DLGAP1: variants seen among roughly 807,000 people sequenced by gnomAD.
The protein encoded by DLGAP1 is disks large-associated protein 1.
A neutral mutation model predicts 90.8 loss-of-function variants in DLGAP1; 11 were observed. That is an observed-to-expected ratio of 0.12 (90% confidence interval 0.08 to 0.20). The LOEUF (loss-of-function observed/expected upper bound fraction) is 0.20, where lower values mean the gene tolerates loss of function less well. Among genes scored for constraint, DLGAP1 ranks in the 10% least tolerant of loss-of-function variants. DLGAP1 has a pLI of 1.00. For missense variants in DLGAP1, 1,050 were observed against 1,333.8 expected, an observed-to-expected ratio of 0.79 and a Z score of 3.31; for synonymous variants, 558 against 540.7, an observed-to-expected ratio of 1.03 and a Z score of -0.44.
chr18:4,321,970 G>C (rs75625348), intron 1 of DLGAP1, among the ~76,000 whole-genome samples: 3,116 of 152,136 alleles, frequency 0.02, 66 homozygotes, highest in South Asian at 0.077. Flanking sequence ...GGCCTAGGGG[G>C]GTGGATCACA....
rs796289017 is a variant in DLGAP1, at chr18:3,772,124, CTTTT to C, written c.1173-29616_1173-29613del. Among the ~76,000 whole-genome samples, 376 of 150,956 alleles carry C rather than the reference CTTTT, an allele frequency of 2.5e-3. 2 individuals are homozygous for C. The highest frequency in any genetic ancestry group is 9.2e-3 in the East Asian group (47 of 5,132). ...TTCTTTTCTTTTCTTTCCTTTCTTT[CTTTT>C]CTTTTCTTTCTCTCCTTCCTTCCTT... is the stretch of plus-strand genomic sequence containing the variant. On this transcript the variant is annotated intron_variant, in intron 5 of 12. Coordinates refer to ENST00000315677, the MANE Select transcript of DLGAP1 (RefSeq NM_004746.4).
chr18:3,534,692 TTC>T, intron 9 of DLGAP1, 77 bp from the exon 10 acceptor site: 25 of 1,266,838 alleles, frequency 2.0e-5, no homozygotes, highest in Non-Finnish European at 2.3e-5. Context: ...CTTCCTTTCT[TTC>T]TTTTTTTTTT....
chr18:3,942,928 G>A (rs2072799469), intron 3 of DLGAP1, among the ~76,000 whole-genome samples: 1 of 151,944 alleles, frequency 6.6e-6, no homozygotes, highest in South Asian at 2.1e-4. Flanking sequence ...AGGTGGGGTG[G>A]ATTCAGCCTG....
At chr18:4,158,174 A>G (rs547386598) in intron 1 of DLGAP1, among the ~76,000 whole-genome samples, 3 of 152,312 alleles carry the variant, frequency 2.0e-5, no homozygotes, top group African/African-American at 7.2e-5. Context: ...ACGATCTATG[A>G]AATACCTAAT....
chr18:4,157,317 A>G (rs1163151924), intron 1 of DLGAP1, among the ~76,000 whole-genome samples: 2 of 152,342 alleles, frequency 1.3e-5, no homozygotes, highest in Non-Finnish European at 2.9e-5. Flanking sequence ...TTTGAAAACA[A>G]TGGTAAACTA....
chr18:3,926,409 T>C (rs1599168915), intron 3 of DLGAP1, among the ~76,000 whole-genome samples: 2 of 36,006 alleles, frequency 5.6e-5, no homozygotes, highest in African/African-American at 1.7e-4. Context: ...GACATATATA[T>C]ATATATATAT....
chr18:3,888,110 A>AAC (rs2071368378), intron 3 of DLGAP1, among the ~76,000 whole-genome samples: 2 of 69,080 alleles, frequency 2.9e-5, no homozygotes, highest in Non-Finnish European at 6.0e-5. Context: ...TCCATCTCAA[A>AAC]AAAAAAAAAA....
At chr18:4,349,152 G>A (rs62085625) in intron 1 of DLGAP1, among the ~76,000 whole-genome samples, 4,490 of 152,228 alleles carry the variant, frequency 0.029, 101 homozygotes, top group Non-Finnish European at 0.048. Flanking sequence ...GGAATGAGAC[G>A]TGTTGACATC....
At chr18:4,074,511 T>C (rs2075495603) in intron 2 of DLGAP1, among the ~76,000 whole-genome samples, 1 of 152,154 alleles carries the variant, frequency 6.6e-6, no homozygotes. Flanking sequence ...AATGTTAATC[T>C]TAAATTTGGA....
chr18:3,625,667 G>A (rs918437104), intron 7 of DLGAP1, among the ~76,000 whole-genome samples: 25 of 152,158 alleles, frequency 1.6e-4, no homozygotes, highest in African/African-American at 5.8e-4. Context: ...CTAAGTGAGA[G>A]GCAATTAGGC....
chr18:3,547,230 G>GA (rs2053098502), intron 9 of DLGAP1, among the ~76,000 whole-genome samples: 24 of 150,568 alleles, frequency 1.6e-4, no homozygotes, highest in South Asian at 8.4e-4. Context: ...GAACCCCCGG[G>GA]GGCGGAGCCT....
At chr18:3,798,722 C>T (rs1206214168) in intron 5 of DLGAP1, among the ~76,000 whole-genome samples, 2 of 152,160 alleles carry the variant, frequency 1.3e-5, no homozygotes, top group Non-Finnish European at 2.9e-5. Flanking sequence ...TAAGTATATG[C>T]TTACTGTATA....
intron 1 of DLGAP1, among the ~76,000 whole-genome samples, chr18:4,346,900 TATAA>T (rs1347169551): frequency 6.6e-6 from 1 of 152,054 alleles, no homozygotes; most frequent in Non-Finnish European, 1.5e-5. Context: ...ACAGTAACTC[TATAA>T]ATAAATACCC....
intron 7 of DLGAP1, among the ~76,000 whole-genome samples, chr18:3,677,091 T>C (rs986656089): frequency 6.6e-6 from 1 of 152,220 alleles, no homozygotes. Flanking sequence ...TTGGGCTTTC[T>C]ATCCCATCCT....
At chr18:3,800,459 A>G (rs1490093400) in intron 5 of DLGAP1, among the ~76,000 whole-genome samples, 1 of 152,262 alleles carries the variant, frequency 6.6e-6, no homozygotes, top group African/African-American at 2.4e-5. Flanking sequence ...ATTGTTAAAA[A>G]GAGTGTGGTT....
intron 10 of DLGAP1, among the ~76,000 whole-genome samples, chr18:3,531,434 T>C (rs977137363): frequency 6.6e-6 from 1 of 151,856 alleles, no homozygotes; most frequent in Non-Finnish European, 1.5e-5. Context: ...CAAGACTCTG[T>C]CTTTTAAAAA....
At chr18:3,659,442 A>G (rs892809303) in intron 7 of DLGAP1, among the ~76,000 whole-genome samples, 8 of 94,254 alleles carry the variant, frequency 8.5e-5, no homozygotes, top group African/African-American at 4.5e-4. Context: ...CACGGATGCT[A>G]CCACCCCCCG....
chr18:3,918,906 G>A (rs142420972), intron 3 of DLGAP1, among the ~76,000 whole-genome samples: 213 of 152,184 alleles, frequency 1.4e-3, no homozygotes, highest in African/African-American at 4.8e-3. Flanking sequence ...CTAGAGATGC[G>A]TAGCTTAGGA....
At chr18:4,170,951 T>G (rs2077013164) in intron 1 of DLGAP1, among the ~76,000 whole-genome samples, 4 of 152,174 alleles carry the variant, frequency 2.6e-5, no homozygotes, top group Admixed American at 2.6e-4. Context: ...TGCACCTCAG[T>G]GAACTCTGTT....
Sources: allele counts gnomAD v4.1 joint callset (sites outside exome capture counted in the v4.1 genomes callset), GRCh38; gene constraint gnomAD v4.1.1; transcripts MANE v1.5; gene names NCBI Gene and HGNC (gene_info 2026-07-23, HGNC 2026-07-21).